The following RANBP17 variants were observed in gnomAD, a reference collection of about 807,000 sequenced individuals.
RANBP17 encodes the protein ran-binding protein 17.
A neutral mutation model predicts 141.2 loss-of-function variants in RANBP17; 158 were observed. The observed-to-expected ratio is 1.12, with a 90% confidence interval of 0.98 to 1.28. The LOEUF (loss-of-function observed/expected upper bound fraction) is 1.28. Among genes scored for constraint, RANBP17 ranks in the 50% most tolerant of loss-of-function variants. The pLI is 0.00. For missense variants in RANBP17, 1,438 were observed against 1,290.7 expected (o/e 1.11, Z -1.75); for synonymous variants, 430 against 450.0 (o/e 0.96, Z 0.56).
At position 171,272,161 on chromosome 5, in the gene RANBP17, A is replaced by T. The variant is rs1767157340; in HGVS notation, c.2943+6314A>T. Among the ~76,000 whole-genome samples the T allele has an allele frequency of 2.6e-5, 4 of 152,152 alleles. No homozygotes were observed. In the South Asian group the frequency reaches 8.3e-4, roughly 32 times the overall value. ...AAACATTGAGTACACATGGACATGAAGGGAACAACAGATACCGGGGCCTAC... is the reference window on the plus strand; with the variant it reads ...AAACATTGAGTACACATGGACATGATGGGAACAACAGATACCGGGGCCTAC... On this transcript the variant is annotated intron_variant, in intron 25 of 27. Transcript: ENST00000523189.
chr5:170,870,829 T>C (rs1392240083), intron 1 of RANBP17, among the ~76,000 whole-genome samples: 6 of 152,172 alleles, frequency 3.9e-5, no homozygotes, highest in African/African-American at 1.4e-4. Context: ...TAATTTACAT[T>C]CCCACCAACA....
chr5:171,050,095 G>A (rs778496995), intron 14 of RANBP17, among the ~76,000 whole-genome samples: 7 of 152,082 alleles, frequency 4.6e-5, no homozygotes, highest in Non-Finnish European at 7.4e-5. Context: ...CTTCCTATCC[G>A]TGAACATGGA....
intron 4 of RANBP17, 41 bp downstream of exon 4, chr5:170,892,594 CT>C (rs752943557): frequency 5.1e-6 from 8 of 1,558,994 alleles, no homozygotes; most frequent in African/African-American, 2.7e-5. Flanking sequence ...TCACTACTTG[CT>C]TTTTTTGGTT....
At chr5:171,187,982 C>T (rs1761384077) in intron 18 of RANBP17, among the ~76,000 whole-genome samples, 1 of 151,982 alleles carries the variant, frequency 6.6e-6, no homozygotes, top group Non-Finnish European at 1.5e-5. Flanking sequence ...TTTTTTTGCC[C>T]ATAAAAGGCA....
At chr5:171,081,407 T>A (rs988913337) in intron 14 of RANBP17, among the ~76,000 whole-genome samples, 2 of 152,194 alleles carry the variant, frequency 1.3e-5, no homozygotes, top group Non-Finnish European at 1.5e-5. Flanking sequence ...GATATTAGAT[T>A]GCTGTATAGT....
intron 14 of RANBP17, among the ~76,000 whole-genome samples, chr5:171,002,877 G>A (rs553862306): frequency 2.0e-5 from 3 of 152,162 alleles, no homozygotes; most frequent in Non-Finnish European, 4.4e-5. Flanking sequence ...GTGGTTTCGG[G>A]AATAATGTGG....
chr5:170,915,509 G>C (rs572289813), intron 8 of RANBP17, among the ~76,000 whole-genome samples: 60 of 152,158 alleles, frequency 3.9e-4, no homozygotes, highest in African/African-American at 1.4e-3. Flanking sequence ...AGTTTCCTAA[G>C]GAGTTTTTTG....
intron 14 of RANBP17, among the ~76,000 whole-genome samples, chr5:171,011,838 A>C (rs1780056463): frequency 6.6e-6 from 1 of 151,884 alleles, no homozygotes; most frequent in South Asian, 2.1e-4. Flanking sequence ...GTCCTATATA[A>C]CTTTAAAAAA....
rs562036601 is a variant in RANBP17, at chr5:171,155,673, C to T, written c.1711-14457C>T. ...AAAAAGTAGATTTGAATGGAGAAATCGAGTGCTACAGAATATAAAATTTTC... is the reference window on the plus strand; with the variant it reads ...AAAAAGTAGATTTGAATGGAGAAATTGAGTGCTACAGAATATAAAATTTTC... On this transcript the variant is annotated intron_variant, in intron 14 of 27. Transcript: ENST00000523189. 1.4e-3 allele frequency among the ~76,000 whole-genome samples: 219 copies of T among 152,188 alleles called. 1 individual carries two copies. Among genetic ancestry groups the T allele is most frequent in the Non-Finnish European group, 2.7e-3 (186 of 67,978 alleles).
chr5:171,107,133 C>T (rs1217806869), intron 14 of RANBP17, among the ~76,000 whole-genome samples: 2 of 152,048 alleles, frequency 1.3e-5, no homozygotes, highest in Non-Finnish European at 2.9e-5. Flanking sequence ...TTATTATTCT[C>T]ATTTTACAGG....
At chr5:171,215,353 TGCA>T (rs1763153471) in intron 21 of RANBP17, among the ~76,000 whole-genome samples, 3 of 152,182 alleles carry the variant, frequency 2.0e-5, no homozygotes, top group Non-Finnish European at 4.4e-5. Context: ...CAAATAGTGC[TGCA>T]GTAAACATAC....
At chr5:171,092,119 A>G (rs930333233) in intron 14 of RANBP17, among the ~76,000 whole-genome samples, 3 of 152,168 alleles carry the variant, frequency 2.0e-5, no homozygotes, top group East Asian at 1.9e-4. Context: ...TAACCCAAGG[A>G]TATGCTTTAA....
chr5:170,896,549 A>G (rs1770138371), intron 5 of RANBP17, among the ~76,000 whole-genome samples: 1 of 152,102 alleles, frequency 6.6e-6, no homozygotes, highest in African/African-American at 2.4e-5. Flanking sequence ...CTTTTTTTTG[A>G]CTGGGCCAGG....
intron 14 of RANBP17, among the ~76,000 whole-genome samples, chr5:171,125,348 C>A (rs1262647702): frequency 1.6e-5 from 2 of 128,598 alleles, no homozygotes; most frequent in African/African-American, 5.7e-5. Context: ...ATATTCCACA[C>A]ACACAGTAAC....
intron 14 of RANBP17, among the ~76,000 whole-genome samples, chr5:171,103,008 G>A (rs116684688): frequency 0.015 from 2,227 of 152,202 alleles, 32 homozygotes; most frequent in Non-Finnish European, 0.021. Context: ...GATGCGAGCC[G>A]GAGCTCTCCT....
intron 7 of RANBP17, among the ~76,000 whole-genome samples, chr5:170,913,125 A>G (rs1376621209): frequency 6.6e-6 from 1 of 152,020 alleles, no homozygotes; most frequent in Non-Finnish European, 1.5e-5. Context: ...CTAAGATAGA[A>G]TAAAGACATT....
At chr5:171,171,312 A>ATT (rs781070107) in intron 16 of RANBP17, 26 bp downstream of exon 16, 1 of 1,306,762 alleles carries the variant, frequency 7.7e-7, no homozygotes, top group Non-Finnish European at 1.1e-6. Context: ...TATATCTGAC[A>ATT]TTATGTGTAA....
intron 14 of RANBP17, among the ~76,000 whole-genome samples, chr5:171,000,748 G>C (rs1233926784): frequency 1.3e-5 from 2 of 152,148 alleles, no homozygotes; most frequent in Non-Finnish European, 2.9e-5. Flanking sequence ...TAGGAGCAAT[G>C]TTTTACGGGC....
chr5:170,955,299 A>G (rs572181484), intron 13 of RANBP17, among the ~76,000 whole-genome samples: 10 of 151,862 alleles, frequency 6.6e-5, no homozygotes, highest in African/African-American at 2.4e-4. Context: ...TATTATTTCA[A>G]TTGGTATTTA....
Sources: gnomAD v4.1 joint callset for allele counts (sites outside exome capture counted in the v4.1 genomes callset) on GRCh38, gnomAD v4.1.1 for gene constraint, MANE v1.5 for transcripts, NCBI Gene and HGNC (gene_info 2026-07-23, HGNC 2026-07-21) for gene names.